The following ZFHX3 variants were observed in gnomAD, a reference collection of about 807,000 sequenced individuals.
ZFHX3 encodes the protein zinc finger homeobox 3.
A neutral mutation model predicts 279.1 loss-of-function variants in ZFHX3; 42 were observed. The ratio of observed to expected loss-of-function variants is 0.15; its 90% CI spans 0.12 to 0.19. ZFHX3 has a LOEUF of 0.19. Among genes scored for constraint, ZFHX3 ranks in the 10% least tolerant of loss-of-function variants. The pLI is 1.00. For synonymous variants in ZFHX3, 2,293 were observed against 1,957.8 expected (o/e 1.17, Z -4.52); for missense variants, 4,981 against 4,754.0 (o/e 1.05, Z -1.40).
intron 7 of ZFHX3, among the ~76,000 whole-genome samples, chr16:73,114,678 C>CA (rs1966412088): frequency 6.6e-6 from 1 of 151,808 alleles, no homozygotes; most frequent in African/African-American, 2.4e-5. Flanking sequence ...GACCCTGTCT[C>CA]AAAAAACGTA....
intron 2 of ZFHX3, among the ~76,000 whole-genome samples, chr16:73,587,238 G>A (rs762380107): frequency 3.3e-5 from 5 of 152,102 alleles, no homozygotes; most frequent in Non-Finnish European, 7.3e-5. Flanking sequence ...CCTTAACATC[G>A]GCAATAGGGA....
intron 1 of ZFHX3, among the ~76,000 whole-genome samples, chr16:73,840,549 C>A (rs955352355): frequency 2.6e-5 from 4 of 152,162 alleles, no homozygotes; most frequent in African/African-American, 9.7e-5. Context: ...CCTTCTAGTA[C>A]CATGGTCTGA....
intron 1 of ZFHX3, among the ~76,000 whole-genome samples, chr16:72,962,217 G>C (rs1961614209): frequency 6.6e-6 from 1 of 152,262 alleles, no homozygotes; most frequent in Non-Finnish European, 1.5e-5. Context: ...CGACAGCAAA[G>C]CCAATCTCCT....
intron 5 of ZFHX3, among the ~76,000 whole-genome samples, chr16:73,181,963 G>A (rs1967805774): frequency 6.6e-6 from 1 of 152,146 alleles, no homozygotes; most frequent in Non-Finnish European, 1.5e-5. Flanking sequence ...ATTCAAGCCA[G>A]CAGTCCTTCG....
intron 2 of ZFHX3, among the ~76,000 whole-genome samples, chr16:73,525,266 C>G (rs1233480252): frequency 6.6e-6 from 1 of 152,138 alleles, no homozygotes; most frequent in Non-Finnish European, 1.5e-5. Flanking sequence ...AGACAAAACC[C>G]AGGACAAGCC....
chr16:73,175,706 C>T (rs957018490), intron 5 of ZFHX3, among the ~76,000 whole-genome samples: 1 of 152,236 alleles, frequency 6.6e-6, no homozygotes, highest in Non-Finnish European at 1.5e-5. Context: ...ATCATTTCCC[C>T]TTTATATGGC....
chr16:73,534,423 C>T (rs2019858988), intron 2 of ZFHX3, among the ~76,000 whole-genome samples: 1 of 152,172 alleles, frequency 6.6e-6, no homozygotes, highest in African/African-American at 2.4e-5. Flanking sequence ...ACCCTTCTGT[C>T]TCTCTCGGCT....
At chr16:72,825,023 AG>A (rs1469182138) in intron 5 of ZFHX3, among the ~76,000 whole-genome samples, 1 of 152,244 alleles carries the variant, frequency 6.6e-6, no homozygotes, top group Non-Finnish European at 1.5e-5. Context: ...TGTGCCCGCA[AG>A]GGCCTGTTCA....
intron 1 of ZFHX3, among the ~76,000 whole-genome samples, chr16:73,021,271 G>A (rs1964288648): frequency 6.6e-6 from 1 of 152,172 alleles, no homozygotes; most frequent in South Asian, 2.1e-4. Context: ...CTGCTGAGCT[G>A]GCCAGCCCAG....
intron 1 of ZFHX3, among the ~76,000 whole-genome samples, chr16:73,736,789 G>A (rs1567565986): frequency 6.6e-6 from 1 of 152,180 alleles, no homozygotes; most frequent in Non-Finnish European, 1.5e-5. Context: ...GGCACAATGG[G>A]AAGACAGTTG....
chr16:73,058,671 TCGG>T, exon 1 of ZFHX3: 4 of 203,518 alleles, frequency 2.0e-5, no homozygotes, highest in Non-Finnish European at 3.6e-5. Flanking sequence ...CTGGCGGGGG[TCGG>T]CGGCGGCGGA....
chr16:73,622,420 G>C (rs932840471), intron 2 of ZFHX3, among the ~76,000 whole-genome samples: 2 of 152,138 alleles, frequency 1.3e-5, no homozygotes. Flanking sequence ...AAATTAGCCA[G>C]GCGTGGTGGC....
intron 2 of ZFHX3, among the ~76,000 whole-genome samples, chr16:73,463,416 C>T (rs773239923): frequency 6.6e-6 from 1 of 152,150 alleles, no homozygotes; most frequent in Non-Finnish European, 1.5e-5. Flanking sequence ...TTTCTCTTGA[C>T]CTCTAATTTC....
intron 4 of ZFHX3, among the ~76,000 whole-genome samples, chr16:72,882,970 A>ACTCT (rs2038520223): frequency 3.1e-5 from 3 of 95,968 alleles, no homozygotes; most frequent in Middle Eastern, 0.014. Context: ...CCTTCACACC[A>ACTCT]CTCTGGGGTG....
chr16:73,526,995 T>C (rs1403436287), intron 2 of ZFHX3, among the ~76,000 whole-genome samples: 1 of 152,024 alleles, frequency 6.6e-6, no homozygotes, highest in Non-Finnish European at 1.5e-5. Context: ...CTTTCCAATA[T>C]AAGAGACAAC....
At chr16:73,078,856 G>A (rs945606459) in intron 8 of ZFHX3, among the ~76,000 whole-genome samples, 1 of 151,618 alleles carries the variant, frequency 6.6e-6, no homozygotes, top group Admixed American at 6.6e-5. Context: ...ATCTTAGCCA[G>A]GATGGTCTCG....
upstream of ZFHX3, among the ~76,000 whole-genome samples, chr16:73,052,229 T>A (rs1191142581): frequency 6.8e-6 from 1 of 146,618 alleles, no homozygotes. Flanking sequence ...AAAAAAAAAA[T>A]CCCAACACGG....
chr16:73,237,754 T>G (rs906385926), intron 5 of ZFHX3, among the ~76,000 whole-genome samples: 1 of 152,084 alleles, frequency 6.6e-6, no homozygotes, highest in Non-Finnish European at 1.5e-5. Context: ...ATGTTATTTG[T>G]AGTTATGTGC....
chr16:73,086,085 C>T (rs557327193), intron 8 of ZFHX3, among the ~76,000 whole-genome samples: 12 of 148,852 alleles, frequency 8.1e-5, no homozygotes, highest in East Asian at 2.0e-4. Flanking sequence ...AAATGGCCAA[C>T]AAGTATATTT....
Sources: gnomAD v4.1 joint callset for allele counts (sites outside exome capture counted in the v4.1 genomes callset) on GRCh38, gnomAD v4.1.1 for gene constraint, MANE v1.5 for transcripts, NCBI Gene and HGNC (gene_info 2026-07-23, HGNC 2026-07-21) for gene names.